Variants in ADGRG5 observed in about 807,000 individuals in gnomAD.
ADGRG5 encodes the protein adhesion G protein-coupled receptor G5.
In ADGRG5, 37 loss-of-function variants were observed where a neutral mutation model predicts 53.2. That is an observed-to-expected ratio of 0.70 (90% CI 0.53 to 0.91). ADGRG5 has a LOEUF of 0.91. ADGRG5 is among the 40% of genes least tolerant of loss of function. The pLI is 0.00. For missense variants in ADGRG5, 614 were observed against 675.8 expected (o/e 0.91, Z 1.01); for synonymous variants, 277 against 290.4 (o/e 0.95, Z 0.47).
the ADGRG5 span, chr16:57,529,093 G>T: frequency 6.0e-5 from 71 of 1,174,762 alleles, no homozygotes; most frequent in Non-Finnish European, 7.1e-5. The surrounding 1 kb of genome is among the most constrained non-coding windows in gnomAD (Gnocchi z 4.1). Context: ...ATGCGCTCCG[G>T]CGACGGGCTG....
the ADGRG5 span, among the ~76,000 whole-genome samples, chr16:57,533,494 C>G: frequency 0.32 from 47,621 of 150,060 alleles, 7,697 homozygotes; most frequent in East Asian, 0.43. Flanking sequence ...ACACACACCC[C>G]CAGGGACCCG....
At chr16:57,548,071 G>T (rs1046587882) in intron 1 of ADGRG5, among the ~76,000 whole-genome samples, 4 of 151,888 alleles carry the variant, frequency 2.6e-5, no homozygotes, top group African/African-American at 9.7e-5. Context: ...TAGAGAAAGG[G>T]TCTCACTATG....
chr16:57,568,791 C>G (rs111218339), intron 9 of ADGRG5, among the ~76,000 whole-genome samples: 11,823 of 148,352 alleles, frequency 0.08, 667 homozygotes, highest in East Asian at 0.27. Context: ...CCATCACTAC[C>G]TCCTCCACCT....
At chr16:57,567,433 T>G in intron 7 of ADGRG5, 37 bp from the exon 8 acceptor site, 1 of 1,600,696 alleles carries the variant, frequency 6.2e-7, no homozygotes, top group Non-Finnish European at 8.5e-7. Context: ...AGGGCGATAC[T>G]ATGCTTCTGG....
chr16:57,536,178 G>A, the ADGRG5 span, among the ~76,000 whole-genome samples: 12 of 152,040 alleles, frequency 7.9e-5, no homozygotes, highest in African/African-American at 2.7e-4. Flanking sequence ...TGGGTCCCCC[G>A]GGAGAGTCCC....
Position 57,566,594 on chromosome 16 carries a change from C to G in ADGRG5, c.547-5C>G, listed in dbSNP as rs1490692771. 6.7e-7 allele frequency: 1 copy of G among 1,494,742 alleles called. No individual in the cohort carries two copies. Among genetic ancestry groups the G allele is most frequent in the Admixed American group, 2.4e-5 (1 of 42,002 alleles). 92.6% of individuals were successfully genotyped at this position (1,494,742 alleles called of 1,614,324 possible). On this transcript the variant is annotated splice_polypyrimidine_tract_variant and splice_region_variant and intron_variant, in intron 6 of 11. Transcript: ENST00000349457. ...CCCTATGACTGACCCAGCATCTCCA[C>G]CCAGGAAGGCTACACCCTGACCTGT...
chr16:57,563,057 C>T (rs2146796670), intron 3 of ADGRG5, 34 bp from the exon 4 acceptor site: 2 of 1,613,160 alleles, frequency 1.2e-6, no homozygotes, highest in South Asian at 1.1e-5. Flanking sequence ...CCACTCCGGG[C>T]TCTGGCCTCC....
rs2033496810 is a variant in ADGRG5 at position 57,575,639 on chromosome 16, G to C, written c.*101G>C. 1 of 911,090 alleles carries C rather than the reference G, an allele frequency of 1.1e-6. No individual in the cohort carries two copies. Among genetic ancestry groups the C allele is most frequent in the East Asian group, 2.5e-5 (1 of 39,352 alleles). 56.4% of individuals were successfully genotyped at this position (911,090 alleles called of 1,614,324 possible). ...GTGGCAGGCCTGCTGCTGGACCCCAGAGGCCACTGTGACCGCCAAGGGGCC... is the reference window on the plus strand; with the variant it reads ...GTGGCAGGCCTGCTGCTGGACCCCACAGGCCACTGTGACCGCCAAGGGGCC... On this transcript the variant is annotated 3_prime_UTR_variant, in exon 12 of 12. Transcript: ENST00000349457.
At chr16:57,538,311 C>A (rs548460435), upstream of ADGRG5, among the ~76,000 whole-genome samples, 1 of 152,240 alleles carries the variant, frequency 6.6e-6, no homozygotes, top group African/African-American at 2.4e-5. Flanking sequence ...AAGTGAAGAT[C>A]AGAAATGACT....
the ADGRG5 span, among the ~76,000 whole-genome samples, chr16:57,530,776 C>T: frequency 6.6e-6 from 1 of 152,002 alleles, no homozygotes; most frequent in Non-Finnish European, 1.5e-5. Flanking sequence ...ACACCTTCTT[C>T]TCCCCTCCCC....
At position 57,574,190 on chromosome 16, in the gene ADGRG5, C is replaced by T. The variant is rs1045118700; in HGVS notation, c.1209-625C>T. On this transcript the variant is annotated intron_variant, in intron 10 of 11. Coordinates refer to ENST00000349457, the MANE Select transcript of ADGRG5 (RefSeq NM_001304376.3). This position sits in a 1 kb window ranked among gnomAD's most constrained non-coding sequence, Gnocchi z 4.4. ...GAGGGCGTGGGACCGGGGCTGGCTT[C>T]GGTTAGTTCTCCATGGCTCTCTGCT... Among the ~76,000 whole-genome samples the T allele has an allele frequency of 2.6e-5, 4 of 152,184 alleles. No individual in the cohort carries two copies. The highest frequency in any genetic ancestry group is 3.9e-4 in the East Asian group (2 of 5,186).
chr16:57,563,948 G>A lies in ADGRG5; in HGVS notation c.398G>A (p.Cys133Tyr), dbSNP rs1418305389. ...KTRPRELRLICIYFSNTHFFK... is the reference protein window; with the variant it reads ...KTRPRELRLIYIYFSNTHFFK... ...CGCCCCAGGGAGCTGCGGCTCATCT[G>A]TATCTACTTCTCCAACACCCACTTT... Residue 133 changes from cysteine (C) to tyrosine (Y), a missense_variant, in exon 5 of 12, where the codon TGT (cysteine) becomes TAT (tyrosine). Coordinates refer to ENST00000349457, the MANE Select transcript of ADGRG5 (RefSeq NM_001304376.3). 4.3e-6 allele frequency: 7 copies of A among 1,613,876 alleles called. No individual in the cohort carries two copies. Among genetic ancestry groups the A allele is most frequent in the Non-Finnish European group, 5.9e-6 (7 of 1,179,804 alleles).
intron 4 of ADGRG5, 30 bp from the exon 5 acceptor site, chr16:57,563,818 G>A (rs1313693071): frequency 1.9e-6 from 3 of 1,612,144 alleles, no homozygotes; most frequent in Non-Finnish European, 1.7e-6. Flanking sequence ...GGTCCTGGTT[G>A]CCAAACAGCC....
intron 5 of ADGRG5, among the ~76,000 whole-genome samples, chr16:57,564,224 C>T (rs137963143): frequency 4.1e-4 from 62 of 152,188 alleles, no homozygotes; most frequent in South Asian, 3.1e-3. Flanking sequence ...ATGTGCCTGT[C>T]GGTAGGCGGG....
chr16:57,560,328 A>G (rs1243853451), intron 1 of ADGRG5, among the ~76,000 whole-genome samples: 2 of 152,214 alleles, frequency 1.3e-5, no homozygotes, highest in Non-Finnish European at 2.9e-5. Context: ...TCAAGAAAGG[A>G]TGTGTGTTTT....
rs2033462400 is a variant in ADGRG5, at chr16:57,574,716, G to C, written c.1209-99G>C. 2.3e-6 allele frequency: 3 copies of C among 1,322,022 alleles called. No individual in the cohort carries two copies. The highest frequency in any genetic ancestry group is 2.9e-5 in the African/African-American group (2 of 67,958). The allele number at this position is 1,322,022 out of a possible 1,614,324, so 81.9% of individuals were successfully genotyped here. A position where few individuals can be genotyped will look rare whatever the true frequency, so the allele number is the denominator to read the frequency against. On this transcript the variant is annotated intron_variant, in intron 10 of 11. Transcript: ENST00000349457. This position sits in a 1 kb window ranked among gnomAD's most constrained non-coding sequence, Gnocchi z 4.4. ...GTTCAGTCAGGCAAGAAACAATAGG[G>C]CCTGAGCCAGGAGACCGAGTGGGGC...
chr16:57,540,030 G>T (rs146066235), upstream of ADGRG5, among the ~76,000 whole-genome samples: 739 of 152,196 alleles, frequency 4.9e-3, 18 homozygotes, highest in South Asian at 0.068. Flanking sequence ...CACTTGACTT[G>T]TCAAGAGATC....
chr16:57,544,498 C>T (rs995192879), intron 1 of ADGRG5, among the ~76,000 whole-genome samples: 2 of 152,150 alleles, frequency 1.3e-5, no homozygotes, highest in African/African-American at 4.8e-5. Flanking sequence ...ATCACTTCTG[C>T]TTTGGCCTCA....
chr16:57,536,540 G>A, the ADGRG5 span: 3 of 152,212 alleles, frequency 2.0e-5, no homozygotes, highest in Admixed American at 6.5e-5. Context: ...CCCAGCCGCT[G>A]CGGCGGGGTA....
Sources: gnomAD v4.1 joint callset for allele counts (sites outside exome capture counted in the v4.1 genomes callset) on GRCh38, gnomAD v4.1.1 for gene constraint, Gnocchi (gnomAD v3.1) non-coding constraint, MANE v1.5 for transcripts, NCBI Gene and HGNC (gene_info 2026-07-23, HGNC 2026-07-21) for gene names.